The following RUNX2 variants were observed in gnomAD, a reference collection of about 807,000 sequenced individuals.
RUNX2 encodes RUNX family transcription factor 2.
Under a neutral mutation model 51.7 loss-of-function variants are expected in RUNX2, and 10 were observed. That is an observed-to-expected ratio of 0.19 (90% CI 0.12 to 0.33). The LOEUF (loss-of-function observed/expected upper bound fraction) is 0.33, where lower values mean the gene tolerates loss of function less well. RUNX2 is among the 10% of genes least tolerant of loss of function. The probability of loss-of-function intolerance (pLI) is 1.00; values close to 1 mark genes in which losing one functional copy is unlikely to be tolerated. For missense variants in RUNX2, 562 were observed against 691.3 expected, an observed-to-expected ratio of 0.81 and a Z score of 2.10; for synonymous variants, 276 against 273.6, an observed-to-expected ratio of 1.01 and a Z score of -0.09.
chr6:45,384,611 T>C (rs941024636), intron 2 of RUNX2, among the ~76,000 whole-genome samples: 1 of 151,870 alleles, frequency 6.6e-6, no homozygotes, highest in Non-Finnish European at 1.5e-5. Flanking sequence ...TTATAATTAG[T>C]TATTGAGTAA....
At chr6:45,333,466 A>C (rs550452943) in intron 2 of RUNX2, among the ~76,000 whole-genome samples, 2 of 151,594 alleles carry the variant, frequency 1.3e-5, no homozygotes, top group South Asian at 4.1e-4. Flanking sequence ...TCCCCTTTAT[A>C]CTATTTATTA....
chr6:45,363,038 AGTC>A (rs2150260087), intron 2 of RUNX2, among the ~76,000 whole-genome samples: 1 of 151,776 alleles, frequency 6.6e-6, no homozygotes, highest in East Asian at 1.9e-4. Flanking sequence ...TAATTTTTGT[AGTC>A]TTCTTCTTAA....
intron 7 of RUNX2, among the ~76,000 whole-genome samples, chr6:45,525,065 T>A (rs562602703): frequency 6.6e-6 from 1 of 152,222 alleles, no homozygotes; most frequent in South Asian, 2.1e-4. Flanking sequence ...GAGCCAAGAT[T>A]GCGTAATTGC....
chr6:45,534,139 C>A (rs1322949545), intron 7 of RUNX2, among the ~76,000 whole-genome samples: 1 of 152,028 alleles, frequency 6.6e-6, no homozygotes. Flanking sequence ...AAGTGATCTG[C>A]CTGCCTGGGC....
intron 7 of RUNX2, among the ~76,000 whole-genome samples, chr6:45,527,012 T>C (rs1801691596): frequency 6.6e-6 from 1 of 152,172 alleles, no homozygotes; most frequent in Non-Finnish European, 1.5e-5. Context: ...TCTAGGGATA[T>C]GTACTATGAA....
chr6:45,506,787 T>A (rs1399788432), intron 6 of RUNX2, among the ~76,000 whole-genome samples: 2 of 152,036 alleles, frequency 1.3e-5, no homozygotes, highest in Non-Finnish European at 2.9e-5. Flanking sequence ...ACCACAGGCA[T>A]GTTTCACTGC....
intron 2 of RUNX2, among the ~76,000 whole-genome samples, chr6:45,412,174 T>G (rs1324333572): frequency 8.1e-6 from 1 of 122,706 alleles, no homozygotes; most frequent in African/African-American, 3.3e-5. Context: ...ATGCCCAGTA[T>G]CTATAAAAAA....
At chr6:45,474,528 A>T (rs185082198) in intron 5 of RUNX2, among the ~76,000 whole-genome samples, 1 of 151,914 alleles carries the variant, frequency 6.6e-6, no homozygotes, top group South Asian at 2.1e-4. Context: ...TAAACAAACC[A>T]TCGATGTTTG....
chr6:45,496,773 T>C (rs1041596749), intron 6 of RUNX2, among the ~76,000 whole-genome samples: 3 of 152,148 alleles, frequency 2.0e-5, no homozygotes, highest in African/African-American at 7.2e-5. Flanking sequence ...TGGATGCTGT[T>C]TGAGGGGACC....
Position 45,547,579 on chromosome 6 carries a change from A to G in RUNX2, c.*274A>G. 1 of 493,110 alleles carries G rather than the reference A, an allele frequency of 2.0e-6. No individual in the cohort carries two copies. Among genetic ancestry groups the G allele is most frequent in the South Asian group, 2.1e-5 (1 of 46,930 alleles). The allele number at this position is 493,110 out of a possible 1,614,324, so 30.5% of individuals were successfully genotyped here. On this transcript the variant is annotated 3_prime_UTR_variant, in exon 9 of 9. Transcript: ENST00000647337. ...CTTTTACAAAGGAACAAAGAAGGGA[A>G]AAGGTATTTTTGTTTTTGTTGTTTG...
chr6:45,423,424 T>C (rs2150363082), intron 3 of RUNX2, among the ~76,000 whole-genome samples: 1 of 152,210 alleles, frequency 6.6e-6, no homozygotes, highest in Admixed American at 6.5e-5. Context: ...CATTGCGGGC[T>C]GCCCGCGCAG....
At chr6:45,374,330 C>T (rs1796485214) in intron 2 of RUNX2, among the ~76,000 whole-genome samples, 1 of 152,158 alleles carries the variant, frequency 6.6e-6, no homozygotes, top group African/African-American at 2.4e-5. Flanking sequence ...CTGAACTGCA[C>T]ACAACCCATC....
intron 2 of RUNX2, among the ~76,000 whole-genome samples, chr6:45,332,233 G>A (rs1000479697): frequency 6.6e-6 from 1 of 151,406 alleles, no homozygotes; most frequent in African/African-American, 2.4e-5. Flanking sequence ...CATCTAGAGG[G>A]CTTTCCCCCT....
intron 5 of RUNX2, among the ~76,000 whole-genome samples, chr6:45,463,379 T>A (rs962703744): frequency 1.3e-5 from 2 of 152,222 alleles, no homozygotes; most frequent in East Asian, 3.8e-4. Context: ...TGTTATAAGG[T>A]GGACCATATG....
intron 7 of RUNX2, among the ~76,000 whole-genome samples, chr6:45,517,576 T>C (rs1456352402): frequency 2.0e-5 from 3 of 152,232 alleles, no homozygotes; most frequent in African/African-American, 7.2e-5. Context: ...TGTAAGGTTA[T>C]TTTTTTCTTC....
chr6:45,541,506 G>A (rs867709686), intron 7 of RUNX2, among the ~76,000 whole-genome samples: 54 of 152,166 alleles, frequency 3.5e-4, no homozygotes, highest in African/African-American at 1.2e-3. Flanking sequence ...TCTGAGAGGG[G>A]TTAATAAAAC....
chr6:45,418,955 T>C (rs566444122), intron 2 of RUNX2, among the ~76,000 whole-genome samples: 72 of 152,322 alleles, frequency 4.7e-4, no homozygotes, highest in African/African-American at 1.7e-3. Flanking sequence ...TTACTAGATA[T>C]GATTAATTAA....
At position 45,547,712 on chromosome 6, in the gene RUNX2, A is replaced by T; in HGVS notation, c.*407A>T. ...TCCTCTCTGTGCTTTGAAACTTCAC[A>T]CCCTCACGGTGGCAGCTGTGTATGG... is the stretch of plus-strand genomic sequence containing the variant. On this transcript the variant is annotated 3_prime_UTR_variant, in exon 9 of 9. Coordinates refer to ENST00000647337, the MANE Select transcript of RUNX2 (RefSeq NM_001024630.4). 3.7e-6 allele frequency: 1 copy of T among 273,476 alleles called. No homozygotes were observed. The highest frequency in any genetic ancestry group is 7.1e-6 in the Non-Finnish European group (1 of 139,926). 16.9% of individuals were successfully genotyped at this position (273,476 alleles called of 1,614,324 possible). A position where few individuals can be genotyped will look rare whatever the true frequency, so the allele number is the denominator to read the frequency against.
At chr6:45,398,687 A>C (rs920939642) in intron 2 of RUNX2, among the ~76,000 whole-genome samples, 2 of 152,154 alleles carry the variant, frequency 1.3e-5, no homozygotes, top group Non-Finnish European at 2.9e-5. Flanking sequence ...AGCTCCTTTA[A>C]CCTTCATGCT....
Sources: allele counts gnomAD v4.1 joint callset (sites outside exome capture counted in the v4.1 genomes callset), GRCh38; gene constraint gnomAD v4.1.1; transcripts MANE v1.5; gene names NCBI Gene and HGNC (gene_info 2026-07-23, HGNC 2026-07-21).